The following ZW10 variants were observed in gnomAD, a reference collection of about 807,000 sequenced individuals.
ZW10 encodes zw10 kinetochore protein.
In ZW10, 53 loss-of-function variants were observed where a neutral mutation model predicts 87.8. The ratio of observed to expected loss-of-function variants is 0.60; its 90% CI spans 0.48 to 0.76. ZW10 has a LOEUF of 0.76. ZW10 is among the 30% of genes least tolerant of loss of function. ZW10 has a pLI of 0.00. For synonymous variants in ZW10, 312 were observed against 329.2 expected (o/e 0.95, Z 0.57); for missense variants, 837 against 923.0 (o/e 0.91, Z 1.21).
At chr11:113,764,969 A>G (rs1011325371) in intron 2 of ZW10, among the ~76,000 whole-genome samples, 1 of 152,176 alleles carries the variant, frequency 6.6e-6, no homozygotes, top group African/African-American at 2.4e-5. Context: ...TTTTAACAGG[A>G]AGTGATTTTG....
rs537944829 is a variant in ZW10, at chr11:113,761,970, AAAAC to A, written c.241-1056_241-1053del. Among the ~76,000 whole-genome samples the A allele has an allele frequency of 2.7e-4, 41 of 152,252 alleles. No homozygotes were observed. In the East Asian group the frequency reaches 5.8e-3, roughly 22 times the overall value. On this transcript the variant is annotated intron_variant, in intron 2 of 15. Coordinates refer to ENST00000200135, the MANE Select transcript of ZW10 (RefSeq NM_004724.4). The stretch of plus-strand genomic sequence containing the variant: ...TCTGGTTCCTAACTGTTCTTGCCAA[AAAAC>A]AAACAAACAAACAAACAAAAACACT...
Position 113,747,703 on chromosome 11 carries a change from G to C in ZW10, c.1100C>G (p.Ser367Cys), listed in dbSNP as rs181096186. ...KLQQYEEIIQ[S>C]TEEFENALKE... ...TAGGGCATTTTCAAATTCTTCAGTG[G>C]ACTGTATGATCTGAGATACAAAAGA... is the stretch of plus-strand genomic sequence containing the variant. Residue 367 changes from serine (S) to cysteine (C), a missense_variant, in exon 9 of 16, where the codon TCC (serine) becomes TGC (cysteine). Coordinates refer to ENST00000200135, the MANE Select transcript of ZW10 (RefSeq NM_004724.4). 1 of 1,606,586 alleles carries C rather than the reference G, an allele frequency of 6.2e-7. No homozygotes were observed. Among genetic ancestry groups the C allele is most frequent in the Non-Finnish European group, 8.5e-7 (1 of 1,175,640 alleles).
intron 13 of ZW10, 70 bp from the exon 14 acceptor site, chr11:113,737,773 A>C: frequency 6.7e-7 from 1 of 1,501,990 alleles, no homozygotes; most frequent in Non-Finnish European, 9.0e-7. Flanking sequence ...ATTTACATTT[A>C]TCATTTGTGA....
intron 2 of ZW10, 60 bp downstream of exon 2, chr11:113,768,773 G>A: frequency 6.3e-7 from 1 of 1,580,742 alleles, no homozygotes; most frequent in Non-Finnish European, 8.6e-7. Context: ...AGCTGTCTTA[G>A]CAATCAGGAA....
At chr11:113,752,081 A>G (rs1175060316) in intron 7 of ZW10, among the ~76,000 whole-genome samples, 1 of 152,248 alleles carries the variant, frequency 6.6e-6, no homozygotes, top group Non-Finnish European at 1.5e-5. Context: ...ATATGAACTT[A>G]TGTTCTTTGC....
At chr11:113,767,177 TA>T (rs34930485) in intron 2 of ZW10, among the ~76,000 whole-genome samples, 53,255 of 137,462 alleles carry the variant, frequency 0.39, 9,997 homozygotes, top group Non-Finnish European at 0.46. Flanking sequence ...CTACGATGAT[TA>T]AAAAAAAAAA....
intron 10 of ZW10, among the ~76,000 whole-genome samples, 173 bp downstream of exon 10, chr11:113,743,629 T>C (rs1364091288): frequency 6.6e-6 from 1 of 152,250 alleles, no homozygotes; most frequent in African/African-American, 2.4e-5. Context: ...GAGATAGACA[T>C]AAATCTGTGT....
intron 9 of ZW10, among the ~76,000 whole-genome samples, chr11:113,745,583 T>G (rs1953669551): frequency 6.6e-6 from 1 of 152,148 alleles, no homozygotes; most frequent in African/African-American, 2.4e-5. Context: ...ATGAAAAAAT[T>G]TACTTACAGA....
At chr11:113,767,671 C>G (rs1210674439) in intron 2 of ZW10, among the ~76,000 whole-genome samples, 1 of 152,108 alleles carries the variant, frequency 6.6e-6, no homozygotes, top group Admixed American at 6.5e-5. Context: ...AATCTGATGT[C>G]ACTCTCTTGC....
rs1162896659 is a variant in ZW10 at position 113,747,800 on chromosome 11, T to G, written c.1090-87A>C. ...ATTTCAAATCCAATGTATAAAAAAA[T>G]GAGGACCAAGCTGGTCATTTTAGAA... On this transcript the variant is annotated intron_variant, in intron 8 of 15. Coordinates refer to ENST00000200135, the MANE Select transcript of ZW10 (RefSeq NM_004724.4). 4 of 1,143,036 alleles carry G rather than the reference T, an allele frequency of 3.5e-6. No homozygotes were observed. The African/African-American group carries it at 6.2e-5, about 18-fold the overall frequency. 70.8% of individuals were successfully genotyped at this position (1,143,036 alleles called of 1,614,324 possible).
chr11:113,737,671 C>T lies in ZW10; in HGVS notation c.1917G>A (p.Val639=), dbSNP rs925357970. 1 of 1,613,338 alleles carries T rather than the reference C, an allele frequency of 6.2e-7. No individual in the cohort carries two copies. Residue 639 remains valine, a synonymous_variant, in exon 14 of 16, where the codon GTG becomes GTA. Coordinates refer to ENST00000200135, the MANE Select transcript of ZW10 (RefSeq NM_004724.4). ...TATTCACTGGCAGGACATCCTGCCA[C>T]ACAATTCCAAGTCTCTTTAGTTGGT... ...VLHQLKRLGI[V]WQDVLPVNIY...
rs747728193 is a variant in ZW10 at position 113,738,299 on chromosome 11, C to T, written c.1849G>A (p.Glu617Lys). Residue 617 changes from glutamate (E) to lysine (K), a missense_variant, in exon 13 of 16, where the codon GAG becomes AAG. Glu to Lys is a moderately conservative substitution (Grantham distance 56, BLOSUM62 1). Transcript: ENST00000200135. ...ARNFSNMDDE[E>K]NYSAASKAVR... ...GCTTTACTTGCTGCAGAATAATTCT[C>T]TTCATCGTCCATATTTGAAAAGTTC... The T allele has an allele frequency of 6.2e-7, 1 of 1,613,062 alleles. No homozygotes were observed. Among genetic ancestry groups the T allele is most frequent in the Non-Finnish European group, 8.5e-7 (1 of 1,179,562 alleles).
intron 1 of ZW10, among the ~76,000 whole-genome samples, 153 bp from the exon 2 acceptor site, chr11:113,769,120 A>C (rs61905747): frequency 0.16 from 24,093 of 152,194 alleles, 2,021 homozygotes; most frequent in Non-Finnish European, 0.18. Flanking sequence ...CAATGAGTTT[A>C]TTTCAAAAAC....
chr11:113,759,639 C>CA (rs147638639), intron 5 of ZW10, among the ~76,000 whole-genome samples: 78 of 152,232 alleles, frequency 5.1e-4, no homozygotes, highest in Middle Eastern at 6.8e-3. Flanking sequence ...GGCTGACAGC[C>CA]AAGTAGCATA....
At chr11:113,773,062 A>G (rs553852144) in intron 1 of ZW10, among the ~76,000 whole-genome samples, 4 of 151,656 alleles carry the variant, frequency 2.6e-5, no homozygotes, top group Non-Finnish European at 5.9e-5. Flanking sequence ...GAAAGGTGCA[A>G]TCCTCCAGGC....
chr11:113,736,808 T>G lies in ZW10; in HGVS notation c.2031A>C (p.Glu677Asp). Residue 677 changes from glutamate to aspartate, a missense_variant, in exon 15 of 16, where the codon GAA becomes GAC. Transcript: ENST00000200135. ...KITALEDIST[E>D]DGDRLYSLCK... ...ATAAGGAATATAACCTATCACCATC[T>G]TCAGTAGATATGTCCTGGTTTTGCA... is the stretch of plus-strand genomic sequence containing the variant. 6.2e-7 allele frequency: 1 copy of G among 1,614,102 alleles called. No individual in the cohort carries two copies. The highest frequency in any genetic ancestry group is 8.5e-7 in the Non-Finnish European group (1 of 1,179,988).
Position 113,758,681 on chromosome 11 carries a change from T to G in ZW10, c.606A>C (p.Leu202=). The stretch of plus-strand genomic sequence containing the variant: ...CAGTGTATAAATGAAGTTCAGTTTG[T>G]AGGTAAGATTCCAAACTGCTGGTAT... ...SKDTSSLESY[L]QTELHLYTEQ... is the part of the protein sequence containing the mutation. Residue 202 remains leucine (L), a synonymous_variant, in exon 6 of 16, where the codon CTA becomes CTC. Coordinates refer to ENST00000200135, the MANE Select transcript of ZW10 (RefSeq NM_004724.4). 1 of 1,614,098 alleles carries G rather than the reference T, an allele frequency of 6.2e-7. No homozygotes were observed. Among genetic ancestry groups the G allele is most frequent in the South Asian group, 1.1e-5 (1 of 91,070 alleles).
At position 113,748,376 on chromosome 11, in the gene ZW10, C is replaced by G. The variant is rs137917950; in HGVS notation, c.970G>C (p.Val324Leu). ...TDLENEKTST[V>L]PLAEMLGDMI... ...TCTCCAAGCATCTCAGCCAATGGGA[C>G]AGTAGATGTTTTTTCATTTTCCAGG... The change falls in exon 8 of 16, where the codon GTC becomes CTC. Residue 324 changes from valine to leucine, a missense_variant. Val to Leu is a conservative substitution (Grantham distance 32, BLOSUM62 1). Transcript: ENST00000200135. 2 of 1,610,908 alleles carry G rather than the reference C, an allele frequency of 1.2e-6. No individual in the cohort carries two copies. The highest frequency in any genetic ancestry group is 1.7e-5 in the Admixed American group (1 of 59,158).
At position 113,733,749 on chromosome 11, in the gene ZW10, C is replaced by T. The variant is rs749505110; in HGVS notation, c.2285G>A (p.Arg762His). The change falls in exon 16 of 16, where the codon CGT (arginine) becomes CAT (histidine). Residue 762 changes from arginine to histidine, a missense_variant. Arg to His is a conservative substitution (Grantham distance 29). Transcript: ENST00000200135. ...FSSSEVKALI[R>H]ALFQNTERRA... is the part of the protein sequence containing the mutation. The stretch of plus-strand genomic sequence containing the variant: ...TCTTTCTGTGTTCTGAAACAAGGCA[C>T]GAATTAAAGCTTTTACTTCACTGGA... 1.2e-5 allele frequency: 19 copies of T among 1,613,952 alleles called. No homozygotes were observed. The highest frequency in any genetic ancestry group is 8.9e-5 in the East Asian group (4 of 44,892).
Sources: gnomAD v4.1 joint callset for allele counts (sites outside exome capture counted in the v4.1 genomes callset) on GRCh38, gnomAD v4.1.1 for gene constraint, MANE v1.5 for transcripts, NCBI Gene and HGNC (gene_info 2026-07-23, HGNC 2026-07-21) for gene names.